The following ZDHHC8 variants were observed in gnomAD, a reference collection of about 807,000 sequenced individuals.
The protein encoded by ZDHHC8 is zDHHC palmitoyltransferase 8.
ZDHHC8 carries 24 observed loss-of-function variants against 61.2 expected under a neutral mutation model. That is an observed-to-expected ratio of 0.39 (90% CI 0.28 to 0.55). The LOEUF is 0.55. ZDHHC8 is among the 20% of genes least tolerant of loss of function. The pLI is 0.60. For missense variants in ZDHHC8, 935 were observed against 1,102.1 expected, an observed-to-expected ratio of 0.85 and a Z score of 2.15; for synonymous variants, 523 against 492.5, an observed-to-expected ratio of 1.06 and a Z score of -0.82.
At chr22:20,139,413 TGGG>T in intron 2 of ZDHHC8, 62 bp from the exon 3 acceptor site, 4 of 1,604,882 alleles carry the variant, frequency 2.5e-6, no homozygotes, top group Non-Finnish European at 3.4e-6. Context: ...GGGCTGGACT[TGGG>T]GGAGGGATTC....
Position 20,145,266 on chromosome 22 carries a change from A to G in ZDHHC8, c.2164A>G (p.Asn722Asp). 6.5e-7 allele frequency: 1 copy of G among 1,543,890 alleles called. No individual in the cohort carries two copies. Among genetic ancestry groups the G allele is most frequent in the Non-Finnish European group, 8.7e-7 (1 of 1,147,522 alleles). ...GCTGAAGACTCCCCCAAGTAAGCTT[A>G]ATGGGCAGTCCCCGGGCCTGGCCCG... ...PQLKTPPSKL[N>D]GQSPGLARLG... Residue 722 changes from asparagine to aspartate, a missense_variant, in exon 11 of 11, where the codon AAT becomes GAT. Transcript: ENST00000334554.
chr22:20,135,450 G>C (rs1335090244), intron 1 of ZDHHC8, among the ~76,000 whole-genome samples: 7 of 152,234 alleles, frequency 4.6e-5, no homozygotes, highest in Non-Finnish European at 1.0e-4. Context: ...TGCCTGGCAG[G>C]CTGCCAGTGC....
In ZDHHC8 at chr22:20,146,296, G is replaced by C. The variant is rs762198578; in HGVS notation, c.*896G>C. On this transcript the variant is annotated 3_prime_UTR_variant, in exon 11 of 11. Transcript: ENST00000334554. The stretch of plus-strand genomic sequence containing the variant: ...CAGCCCCGGCCTGGCTGCGGTGCTC[G>C]CGCCGTGGGAAAGCACACTGGGGAG... 3 of 985,506 alleles carry C rather than the reference G, an allele frequency of 3.0e-6. No individual in the cohort carries two copies. The highest frequency in any genetic ancestry group is 2.3e-4 in the East Asian group (2 of 8,818). The allele number at this position is 985,506 out of a possible 1,614,324, so 61.0% of individuals were successfully genotyped here.
At chr22:20,139,096 G>A in intron 1 of ZDHHC8, 98 bp from the exon 2 acceptor site, 2 of 1,506,416 alleles carry the variant, frequency 1.3e-6, no homozygotes, top group Non-Finnish European at 1.8e-6. Flanking sequence ...AGCTCTGAGG[G>A]TGACCTTGCA....
chr22:20,140,790 G>C, intron 6 of ZDHHC8, 81 bp from the exon 7 acceptor site: 1 of 1,595,406 alleles, frequency 6.3e-7, no homozygotes, highest in South Asian at 1.1e-5. Context: ...GGTCCGTTTG[G>C]CTCTTGCCAG....
intron 8 of ZDHHC8, 30 bp downstream of exon 8, chr22:20,141,367 G>A: frequency 6.2e-7 from 1 of 1,611,326 alleles, no homozygotes; most frequent in Non-Finnish European, 8.5e-7. Flanking sequence ...GACTAGGGAG[G>A]GATATGGGTT....
At position 20,143,440 on chromosome 22, in the gene ZDHHC8, T is replaced by C; in HGVS notation, c.1810T>C (p.Tyr604His). The stretch of plus-strand genomic sequence containing the variant: ...GGGCCCCCGAGGTCCCGCGCTGCGC[T>C]ATGGCTCCAGAGACGACCTTGTGGC... ...SEGPRGPALR[Y>H]GSRDDLVAGP... Residue 604 changes from tyrosine to histidine, a missense_variant, in exon 10 of 11, where the codon TAT (tyrosine) becomes CAT (histidine). By Grantham distance (83) the Tyr-to-His change is moderately conservative. This residue lies in a region of ZDHHC8 where 692 missense variants were observed against 731.4 expected (regional missense o/e 0.95). Coordinates refer to ENST00000334554, the MANE Select transcript of ZDHHC8 (RefSeq NM_013373.4). The C allele has an allele frequency of 6.2e-7, 1 of 1,600,774 alleles. No individual in the cohort carries two copies. The highest frequency in any genetic ancestry group is 8.5e-7 in the Non-Finnish European group (1 of 1,179,234).
At chr22:20,138,483 A>G (rs73391922) in intron 1 of ZDHHC8, among the ~76,000 whole-genome samples, 5,247 of 152,282 alleles carry the variant, frequency 0.034, 304 homozygotes, top group African/African-American at 0.12. Context: ...GTGTGAGGGC[A>G]CACCTTATAG....
Position 20,139,737 on chromosome 22 carries a change from C to T in ZDHHC8, c.402C>T (p.Cys134=), listed in dbSNP as rs763116697. Residue 134 remains cysteine, a synonymous_variant, in exon 4 of 11, where the codon TGC becomes TGT. Transcript: ENST00000334554. The part of the protein sequence containing the change: ...DNCVEDFDHH[C]PWVNNCIGRR... ...CCGCCCAGGACTTTGACCACCACTG[C>T]CCCTGGGTCAACAACTGCATCGGGC... The T allele has an allele frequency of 3.1e-6, 5 of 1,612,654 alleles. No homozygotes were observed. The highest frequency in any genetic ancestry group is 4.2e-6 in the Non-Finnish European group (5 of 1,180,018).
At chr22:20,139,377 G>C (rs2050447185) in intron 2 of ZDHHC8, 62 bp downstream of exon 2, 2 of 1,605,214 alleles carry the variant, frequency 1.2e-6, no homozygotes. Flanking sequence ...GCTAACTTGA[G>C]ACAGCCTTAG....
Position 20,146,736 on chromosome 22 carries a change from A to C in ZDHHC8, c.*1336A>C. ...GGGGGAAAGACTTGGGTCTGCCGCT[A>C]CCCACAGGGGACTCTCAGGAACCCG... On this transcript the variant is annotated 3_prime_UTR_variant, in exon 11 of 11. Transcript: ENST00000334554. The C allele has an allele frequency of 8.4e-7, 1 of 1,189,092 alleles. No individual in the cohort carries two copies. Among genetic ancestry groups the C allele is most frequent in the Admixed American group, 4.5e-5 (1 of 22,192 alleles). 73.7% of individuals were successfully genotyped at this position (1,189,092 alleles called of 1,614,324 possible).
At chr22:20,140,243 G>C in intron 5 of ZDHHC8, 26 bp downstream of exon 5, 1 of 1,601,218 alleles carries the variant, frequency 6.2e-7, no homozygotes. Context: ...GGGATGGGTG[G>C]CCCCAAAGGG....
chr22:20,139,157 C>T, intron 1 of ZDHHC8, 37 bp from the exon 2 acceptor site: 1 of 1,601,924 alleles, frequency 6.2e-7, no homozygotes, highest in Non-Finnish European at 8.5e-7. Context: ...GCTCTGCACC[C>T]CCAGACTCCA....
At chr22:20,137,277 C>T (rs926089688) in intron 1 of ZDHHC8, among the ~76,000 whole-genome samples, 1 of 152,228 alleles carries the variant, frequency 6.6e-6, no homozygotes, top group East Asian at 1.9e-4. Flanking sequence ...ACAGCAGTAC[C>T]GCCTGCTTGG....
At chr22:20,141,362 G>T (rs746045537) in intron 8 of ZDHHC8, 25 bp downstream of exon 8, 2 of 1,611,392 alleles carry the variant, frequency 1.2e-6, no homozygotes, top group East Asian at 2.2e-5. Context: ...GCCACGACTA[G>T]GGAGGGATAT....
chr22:20,134,434 G>A (rs1004773420), intron 1 of ZDHHC8, among the ~76,000 whole-genome samples: 1 of 152,258 alleles, frequency 6.6e-6, no homozygotes, highest in African/African-American at 2.4e-5. Context: ...GGGTAGGCAG[G>A]GGTCCAGGCG....
intron 1 of ZDHHC8, 36 bp downstream of exon 1, chr22:20,132,087 C>T: frequency 8.3e-7 from 1 of 1,209,246 alleles, no homozygotes; most frequent in Non-Finnish European, 1.1e-6. Flanking sequence ...ACGCGGGCAG[C>T]GATGGGCAGG....
At chr22:20,137,061 A>C (rs2050427173) in intron 1 of ZDHHC8, among the ~76,000 whole-genome samples, 2 of 152,224 alleles carry the variant, frequency 1.3e-5, no homozygotes, top group African/African-American at 4.8e-5. Flanking sequence ...AGGAGTGGGC[A>C]GCAGCTCAGG....
Position 20,145,473 on chromosome 22 carries a change from A to G in ZDHHC8, c.*73A>G. The G allele has an allele frequency of 7.5e-7, 1 of 1,329,228 alleles. No individual in the cohort carries two copies. The highest frequency in any genetic ancestry group is 9.6e-7 in the Non-Finnish European group (1 of 1,037,648). 82.3% of individuals were successfully genotyped at this position (1,329,228 alleles called of 1,614,324 possible). On this transcript the variant is annotated 3_prime_UTR_variant, in exon 11 of 11. Transcript: ENST00000334554. ...CACAGCGCACCCCCCCTCCCCACCA[A>G]CTTCTCTGCCCCAGGGACCCGAGGC...
Sources: allele counts gnomAD v4.1 joint callset (sites outside exome capture counted in the v4.1 genomes callset), GRCh38; gene constraint gnomAD v4.1.1; regional missense constraint gnomAD v4.1.1; transcripts MANE v1.5; gene names NCBI Gene and HGNC (gene_info 2026-07-23, HGNC 2026-07-21).